Variants in HMCN1 observed in about 807,000 individuals in gnomAD.
The protein encoded by HMCN1 is hemicentin 1.
In HMCN1, 321 loss-of-function variants were observed where a neutral mutation model predicts 625.9. That is an observed-to-expected ratio of 0.51 (90% CI 0.47 to 0.56). The LOEUF is 0.56. HMCN1 is among the 20% of genes least tolerant of loss of function. The probability of loss-of-function intolerance (pLI) is 0.00; values close to 1 mark genes in which losing one functional copy is unlikely to be tolerated. For missense variants in HMCN1, 6,588 were observed against 6,887.3 expected (o/e 0.96, Z 1.54); for synonymous variants, 2,425 against 2,417.6 (o/e 1.00, Z -0.09).
chr1:185,891,418 A>G (rs1284497864), intron 4 of HMCN1, among the ~76,000 whole-genome samples: 1 of 148,354 alleles, frequency 6.7e-6, no homozygotes, highest in Non-Finnish European at 1.5e-5. Context: ...GATGTTCTTT[A>G]CATTTTGGCA....
intron 97 of HMCN1, 72 bp from the exon 98 acceptor site, chr1:186,165,039 G>A: frequency 1.6e-6 from 2 of 1,265,546 alleles, no homozygotes; most frequent in Non-Finnish European, 2.3e-6. Flanking sequence ...TCCCAGGGAA[G>A]ATGGTACTGG....
chr1:186,134,264 T>C (rs1649434071), intron 86 of HMCN1, among the ~76,000 whole-genome samples: 1 of 152,168 alleles, frequency 6.6e-6, no homozygotes, highest in African/African-American at 2.4e-5. Flanking sequence ...ATTTATAGCT[T>C]CATATGCAAT....
intron 11 of HMCN1, among the ~76,000 whole-genome samples, chr1:185,940,637 T>C (rs1668033711): frequency 6.6e-6 from 1 of 152,258 alleles, no homozygotes; most frequent in Admixed American, 6.5e-5. Flanking sequence ...GGGGCAGAAC[T>C]TAACTTTAAC....
At chr1:185,994,758 G>C (rs1194158978) in intron 23 of HMCN1, 57 bp from the exon 24 acceptor site, 1 of 1,541,606 alleles carries the variant, frequency 6.5e-7, no homozygotes, top group African/African-American at 1.4e-5. Flanking sequence ...CGTTTAAAGT[G>C]AGTAAAGAAA....
At chr1:185,743,304 A>G (rs1024698178) in intron 1 of HMCN1, among the ~76,000 whole-genome samples, 1 of 152,224 alleles carries the variant, frequency 6.6e-6, no homozygotes, top group Non-Finnish European at 1.5e-5. Flanking sequence ...CACAAGTAGA[A>G]GAATACAATT....
At chr1:185,879,352 T>G (rs1191346064) in intron 4 of HMCN1, among the ~76,000 whole-genome samples, 2 of 152,042 alleles carry the variant, frequency 1.3e-5, no homozygotes, top group Non-Finnish European at 2.9e-5. Context: ...TGATTTTTTT[T>G]GTAGAGAGGG....
intron 6 of HMCN1, among the ~76,000 whole-genome samples, chr1:185,915,032 A>T (rs1571552289): frequency 6.6e-6 from 1 of 152,054 alleles, no homozygotes; most frequent in East Asian, 1.9e-4. Context: ...TTAAAATGAT[A>T]AGAGAGTGGC....
chr1:185,785,624 A>G (rs1269040734), intron 1 of HMCN1, among the ~76,000 whole-genome samples: 1 of 152,196 alleles, frequency 6.6e-6, no homozygotes, highest in Non-Finnish European at 1.5e-5. Context: ...CAAAGCAGAC[A>G]TATGTTTTGA....
chr1:186,010,744 G>A (rs527719912), intron 30 of HMCN1, among the ~76,000 whole-genome samples: 44 of 152,166 alleles, frequency 2.9e-4, no homozygotes, highest in South Asian at 8.3e-4. Flanking sequence ...ATTAATTACC[G>A]ATAGCAGGAC....
rs1239485187 is a variant in HMCN1 at position 185,923,521 on chromosome 1, C to T, written c.1153C>T (p.Pro385Ser). Residue 385 changes from proline to serine, a missense_variant, in exon 8 of 107, where the codon CCT (proline) becomes TCT (serine). Pro to Ser is a moderately conservative substitution (Grantham distance 74, BLOSUM62 -1). This residue lies in a region of HMCN1 where 4,628 missense variants were observed against 4,853.1 expected (regional missense o/e 0.95). Coordinates refer to ENST00000271588, the MANE Select transcript of HMCN1 (RefSeq NM_031935.3). ...TGTTAAATATTACCCACATCGAAAA[C>T]CTTATGGCATATGGAATATTTCTGA... ...IPVKYYPHRK[P>S]YGIWNISDFV... 6.2e-7 allele frequency: 1 copy of T among 1,612,544 alleles called. No homozygotes were observed. The highest frequency in any genetic ancestry group is 1.7e-5 in the Admixed American group (1 of 60,008).
chr1:186,189,821 C>A lies in HMCN1; in HGVS notation c.16851C>A (p.Thr5617=). 1 of 1,613,764 alleles carries A rather than the reference C, an allele frequency of 6.2e-7. No homozygotes were observed. The highest frequency in any genetic ancestry group is 8.5e-7 in the Non-Finnish European group (1 of 1,179,798). Residue 5617 remains threonine (T), a synonymous_variant, in exon 107 of 107, where the codon ACC becomes ACA. Transcript: ENST00000271588. ...CCTCATCCTACAGTGCCAATGGGAC[C>A]ATTGAATATCAGACCACATTCATAG... is the stretch of plus-strand genomic sequence containing the variant. ...VRASSYSANG[T]IEYQTTFIVY... is the part of the protein sequence containing the mutation.
chr1:186,158,687 T>G (rs1280472386), intron 97 of HMCN1, among the ~76,000 whole-genome samples: 1 of 152,196 alleles, frequency 6.6e-6, no homozygotes, highest in Non-Finnish European at 1.5e-5. Flanking sequence ...ATTTATTAAA[T>G]AGGGAGTCCT....
chr1:185,887,961 C>T (rs1320973783), intron 4 of HMCN1, among the ~76,000 whole-genome samples: 2 of 142,442 alleles, frequency 1.4e-5, no homozygotes, highest in South Asian at 2.3e-4. Context: ...ACATCCTCTC[C>T]AGCACCTGTT....
intron 30 of HMCN1, among the ~76,000 whole-genome samples, chr1:186,010,125 G>A (rs1159678162): frequency 1.3e-5 from 2 of 152,046 alleles, no homozygotes; most frequent in Non-Finnish European, 2.9e-5. Flanking sequence ...ATGGCCCAGG[G>A]GTTGGGAACT....
chr1:185,907,321 G>A (rs1008610441), intron 4 of HMCN1, among the ~76,000 whole-genome samples: 3 of 151,944 alleles, frequency 2.0e-5, no homozygotes, highest in African/African-American at 7.2e-5. Context: ...CATCCGTGAT[G>A]ACACTACAAA....
intron 30 of HMCN1, among the ~76,000 whole-genome samples, chr1:186,014,692 G>A (rs1654240171): frequency 6.6e-6 from 1 of 151,956 alleles, no homozygotes; most frequent in South Asian, 2.1e-4. Context: ...GAAAAAAATA[G>A]CAAGAAGCAA....
intron 15 of HMCN1, among the ~76,000 whole-genome samples, chr1:185,977,032 GC>G (rs1161432491): frequency 6.6e-6 from 1 of 151,886 alleles, no homozygotes; most frequent in Non-Finnish European, 1.5e-5. Flanking sequence ...TCCAAGATGT[GC>G]CTCTGATGTA....
intron 104 of HMCN1, 52 bp from the exon 105 acceptor site, chr1:186,182,116 G>T: frequency 3.1e-6 from 5 of 1,607,500 alleles, no homozygotes; most frequent in Non-Finnish European, 4.3e-6. Flanking sequence ...CTCTGTCACA[G>T]TGTCTGCTTT....
intron 56 of HMCN1, 82 bp from the exon 57 acceptor site, chr1:186,082,783 A>G (rs1659242210): frequency 1.5e-6 from 1 of 673,590 alleles, no homozygotes; most frequent in Admixed American, 3.1e-5. Context: ...AATAATATAT[A>G]TTATTTATTC....
Sources: allele counts gnomAD v4.1 joint callset (sites outside exome capture counted in the v4.1 genomes callset), GRCh38; gene constraint gnomAD v4.1.1; regional missense constraint gnomAD v4.1.1; transcripts MANE v1.5; gene names NCBI Gene and HGNC (gene_info 2026-07-23, HGNC 2026-07-21).